The following CC2D2A variants were observed in gnomAD, a reference collection of about 807,000 sequenced individuals.
CC2D2A encodes coiled-coil and C2 domain-containing protein 2A.
A neutral mutation model predicts 212.9 loss-of-function variants in CC2D2A; 155 were observed. The ratio of observed to expected loss-of-function variants is 0.73; its 90% CI spans 0.64 to 0.83. CC2D2A has a LOEUF of 0.83. Ranked by LOEUF, CC2D2A falls within the 40% of genes least tolerant of loss-of-function variation. The pLI, the probability that CC2D2A is intolerant of heterozygous loss-of-function variation, is 0.00. For synonymous variants in CC2D2A, 667 were observed against 686.5 expected (o/e 0.97, Z 0.44); for missense variants, 1,856 against 1,956.2 (o/e 0.95, Z 0.97).
chr4:15,591,590 T>C (rs1390809381), intron 33 of CC2D2A, among the ~76,000 whole-genome samples: 2 of 152,214 alleles, frequency 1.3e-5, no homozygotes, highest in East Asian at 3.9e-4. Context: ...CAGCAAAATA[T>C]CTGTCCTTCA....
intron 22 of CC2D2A, among the ~76,000 whole-genome samples, chr4:15,559,546 G>A (rs1482283970): frequency 6.6e-6 from 1 of 152,112 alleles, no homozygotes; most frequent in African/African-American, 2.4e-5. Context: ...TTTGAATGTT[G>A]CATTGCGTTA....
intron 4 of CC2D2A, among the ~76,000 whole-genome samples, chr4:15,490,711 A>G (rs1396097772): frequency 2.0e-5 from 3 of 152,126 alleles, no homozygotes; most frequent in African/African-American, 7.2e-5. Flanking sequence ...CTTATGCCCA[A>G]TTTCCGCCTC....
intron 30 of CC2D2A, among the ~76,000 whole-genome samples, chr4:15,582,040 A>G (rs1457426088): frequency 1.3e-5 from 2 of 152,346 alleles, no homozygotes; most frequent in East Asian, 3.8e-4. Context: ...ATTGGATGTA[A>G]AATATAACAT....
At position 15,527,493 on chromosome 4, in the gene CC2D2A, A is replaced by C. The variant is rs2109024009; in HGVS notation, c.1196A>C (p.Asp399Ala). The C allele has an allele frequency of 6.2e-7, 1 of 1,613,478 alleles. No homozygotes were observed. Among genetic ancestry groups the C allele is most frequent in the Non-Finnish European group, 8.5e-7 (1 of 1,179,686 alleles). The change falls in exon 12 of 37, where the codon GAC becomes GCC. Residue 399 changes from aspartate (D) to alanine (A), a missense_variant. Transcript: ENST00000424120. The part of the protein sequence containing the change: ...HSSQHVIRSG[D>A]PPGNFQLDID... The stretch of plus-strand genomic sequence containing the variant: ...AGTCAGCATGTGATCAGATCTGGAG[A>C]CCCTCCTGGAAATTTCCAACTGGAC...
chr4:15,590,930 A>G (rs1721077957), intron 33 of CC2D2A, among the ~76,000 whole-genome samples: 1 of 151,720 alleles, frequency 6.6e-6, no homozygotes. Flanking sequence ...GTCTCACCAT[A>G]TTGACTAGGC....
intron 13 of CC2D2A, 66 bp from the exon 14 acceptor site, chr4:15,533,127 T>A: frequency 7.6e-7 from 1 of 1,323,700 alleles, no homozygotes; most frequent in Non-Finnish European, 1.0e-6. Context: ...ACTGTAGCAT[T>A]ATTAATTTCT....
intron 28 of CC2D2A, among the ~76,000 whole-genome samples, chr4:15,572,960 G>A (rs1398084112): frequency 4.6e-5 from 7 of 152,190 alleles, no homozygotes; most frequent in Admixed American, 2.0e-4. Context: ...GGAGAAAGAT[G>A]AAGGGGGGAA....
intron 4 of CC2D2A, among the ~76,000 whole-genome samples, chr4:15,498,041 G>C (rs1186614549): frequency 1.3e-5 from 2 of 152,134 alleles, no homozygotes; most frequent in African/African-American, 2.4e-5. Context: ...GAAGTCCTTA[G>C]GAGAAAAATG....
chr4:15,523,524 C>T (rs1331798019), intron 11 of CC2D2A, among the ~76,000 whole-genome samples: 3 of 152,186 alleles, frequency 2.0e-5, no homozygotes, highest in Non-Finnish European at 2.9e-5. Context: ...TAATCTGCTG[C>T]GTTCTAAGCA....
rs559068446 is a variant in CC2D2A, at chr4:15,528,169, C to T, written c.1360-451C>T. ...TTTTGACTATAGGCAATTTTGGTCT[C>T]ACGCCCTGACTTTAAAACCTTACTG... is the stretch of plus-strand genomic sequence containing the variant. On this transcript the variant is annotated intron_variant, in intron 12 of 36. Coordinates refer to ENST00000424120, the MANE Select transcript of CC2D2A (RefSeq NM_001378615.1). 5.9e-5 allele frequency among the ~76,000 whole-genome samples: 9 copies of T among 152,288 alleles called. No homozygotes were observed. The South Asian group carries it at 1.9e-3, about 32-fold the overall frequency.
chr4:15,585,434 A>G (rs1329086487), intron 30 of CC2D2A, among the ~76,000 whole-genome samples: 1 of 152,164 alleles, frequency 6.6e-6, no homozygotes, highest in African/African-American at 2.4e-5. Context: ...GTGGAAACTA[A>G]AAGTTTATCT....
chr4:15,492,720 G>A, intron 4 of CC2D2A: 1 of 798,496 alleles, frequency 1.3e-6, no homozygotes. Context: ...TGGTCCAGGG[G>A]TCTTACTCCT....
chr4:15,493,619 A>G (rs1163039861), intron 4 of CC2D2A, among the ~76,000 whole-genome samples: 1 of 151,956 alleles, frequency 6.6e-6, no homozygotes, highest in African/African-American at 2.4e-5. Context: ...GGCCCTCCTT[A>G]TCCCCTGATC....
chr4:15,514,287 G>T (rs1033096309), intron 8 of CC2D2A, among the ~76,000 whole-genome samples: 9 of 152,188 alleles, frequency 5.9e-5, no homozygotes, highest in Non-Finnish European at 1.0e-4. Flanking sequence ...GTCTGAACAG[G>T]GTGTGTGGAC....
intron 30 of CC2D2A, among the ~76,000 whole-genome samples, chr4:15,583,439 T>C (rs979679295): frequency 5.9e-5 from 9 of 152,164 alleles, no homozygotes; most frequent in Non-Finnish European, 1.2e-4. Flanking sequence ...TAGAAAACCC[T>C]AAAGACCCCA....
chr4:15,477,250 C>T (rs1322102260), intron 2 of CC2D2A, among the ~76,000 whole-genome samples: 2 of 148,878 alleles, frequency 1.3e-5, no homozygotes, highest in African/African-American at 2.5e-5. Flanking sequence ...TGCGGTGAGC[C>T]GAGATCATGC....
intron 26 of CC2D2A, among the ~76,000 whole-genome samples, chr4:15,568,821 C>G (rs979603957): frequency 6.6e-5 from 10 of 152,276 alleles, no homozygotes; most frequent in African/African-American, 2.2e-4. Flanking sequence ...TACTTATATA[C>G]AGAAAAGGTG....
intron 4 of CC2D2A, among the ~76,000 whole-genome samples, chr4:15,486,914 T>A (rs1168130594): frequency 2.6e-5 from 4 of 152,042 alleles, no homozygotes; most frequent in African/African-American, 9.7e-5. Flanking sequence ...ATTGTTGTTC[T>A]GGAGTGTATT....
At chr4:15,553,362 C>A in intron 19 of CC2D2A, 57 bp downstream of exon 19, 1 of 1,556,490 alleles carries the variant, frequency 6.4e-7, no homozygotes, top group Non-Finnish European at 8.8e-7. Context: ...TTAAAGATAC[C>A]CAAGGGGAAA....
Sources: allele counts gnomAD v4.1 joint callset (sites outside exome capture counted in the v4.1 genomes callset), GRCh38; gene constraint gnomAD v4.1.1; transcripts MANE v1.5; gene names NCBI Gene and HGNC (gene_info 2026-07-23, HGNC 2026-07-21).